Variants in COMMD10 observed in about 807,000 individuals in gnomAD.
COMMD10 encodes COMM domain-containing protein 10.
Under a neutral mutation model 28.9 loss-of-function variants are expected in COMMD10, and 33 were observed. The observed-to-expected ratio is 1.14, with a 90% CI of 0.87 to 1.53. COMMD10 has a LOEUF of 1.53. COMMD10 is among the 40% of genes most tolerant of loss of function. COMMD10 has a pLI of 0.00. For missense variants in COMMD10, 310 were observed against 233.4 expected (o/e 1.33, Z -2.14); for synonymous variants, 110 against 81.7 (o/e 1.35, Z -1.87).
chr5:116,254,462 G>C (rs1212101590), intron 5 of COMMD10, among the ~76,000 whole-genome samples: 2 of 151,068 alleles, frequency 1.3e-5, no homozygotes, highest in Non-Finnish European at 2.9e-5. Context: ...TCTACACACT[G>C]CTTTGAATGC....
chr5:116,188,623 T>TCTC (rs1748228764), intron 5 of COMMD10: 1 of 135,118 alleles, frequency 7.4e-6, no homozygotes, highest in African/African-American at 3.4e-5. Context: ...CCTTCCTTCT[T>TCTC]TCTTTCTCTC....
chr5:116,188,228 A>G (rs1214172342), intron 5 of COMMD10, among the ~76,000 whole-genome samples: 1 of 152,090 alleles, frequency 6.6e-6, no homozygotes, highest in Admixed American at 6.6e-5. Flanking sequence ...ACAAGCTTTG[A>G]TTACCTCTTA....
chr5:116,231,258 G>A (rs527741065), intron 5 of COMMD10, among the ~76,000 whole-genome samples: 54 of 152,210 alleles, frequency 3.5e-4, no homozygotes, highest in African/African-American at 1.1e-3. Context: ...TAAATTTACC[G>A]ACTACTCACT....
At chr5:116,247,519 C>T (rs542366584) in intron 5 of COMMD10, among the ~76,000 whole-genome samples, 37 of 152,098 alleles carry the variant, frequency 2.4e-4, no homozygotes, top group Admixed American at 5.3e-4. Context: ...AAGACACATA[C>T]GTATGTTCAT....
chr5:116,168,263 GAT>G (rs1753200200), intron 5 of COMMD10, among the ~76,000 whole-genome samples: 1 of 151,732 alleles, frequency 6.6e-6, no homozygotes, highest in Admixed American at 6.6e-5. Flanking sequence ...ATGATAAAGG[GAT>G]CAGTGCAACA....
chr5:116,094,054 A>G (rs751015801), intron 4 of COMMD10, among the ~76,000 whole-genome samples: 8 of 152,208 alleles, frequency 5.3e-5, no homozygotes, highest in Non-Finnish European at 7.3e-5. Flanking sequence ...CATAAGACCC[A>G]CAACTGTTAA....
intron 5 of COMMD10, among the ~76,000 whole-genome samples, chr5:116,156,038 T>C (rs981481120): frequency 6.6e-6 from 1 of 152,128 alleles, no homozygotes; most frequent in African/African-American, 2.4e-5. Flanking sequence ...TTAATAATAA[T>C]GTAGAGAGTG....
chr5:116,117,662 C>A (rs921008618), intron 4 of COMMD10, among the ~76,000 whole-genome samples: 1 of 151,992 alleles, frequency 6.6e-6, no homozygotes, highest in Admixed American at 6.6e-5. Context: ...GGTGGGGTTT[C>A]ACCATGTTGG....
intron 4 of COMMD10, among the ~76,000 whole-genome samples, chr5:116,119,935 T>C (rs956749904): frequency 1.3e-5 from 2 of 152,138 alleles, no homozygotes; most frequent in Admixed American, 6.6e-5. Context: ...CTTTAAAAAA[T>C]AATGTTTTAT....
chr5:116,286,701 T>G (rs1406196777), intron 5 of COMMD10, among the ~76,000 whole-genome samples: 1 of 151,878 alleles, frequency 6.6e-6, no homozygotes, highest in Non-Finnish European at 1.5e-5. Context: ...TTTGTAGTTT[T>G]ATTCCATTGT....
intron 5 of COMMD10, among the ~76,000 whole-genome samples, chr5:116,202,527 C>T (rs894897334): frequency 8.6e-5 from 13 of 150,898 alleles, no homozygotes; most frequent in Non-Finnish European, 1.8e-4. Context: ...TCCTATTTCT[C>T]CACATCCTCT....
chr5:116,146,908 C>T (rs79226409), intron 5 of COMMD10, among the ~76,000 whole-genome samples: 8,157 of 151,744 alleles, frequency 0.054, 313 homozygotes, highest in African/African-American at 0.11. Flanking sequence ...CAAAGTTTCT[C>T]AGCTGTCCTT....
At chr5:116,261,137 A>G (rs1479916182) in intron 5 of COMMD10, among the ~76,000 whole-genome samples, 2 of 151,804 alleles carry the variant, frequency 1.3e-5, no homozygotes, top group Non-Finnish European at 2.9e-5. Context: ...GAGTAAAAAC[A>G]TATTTCAGGA....
chr5:116,242,014 A>G (rs969878048), intron 5 of COMMD10, among the ~76,000 whole-genome samples: 33 of 152,214 alleles, frequency 2.2e-4, no homozygotes, highest in African/African-American at 7.7e-4. Context: ...ACATTAAACA[A>G]AAAGGCAGAC....
At chr5:116,256,307 G>C (rs1166741344) in intron 5 of COMMD10, among the ~76,000 whole-genome samples, 1 of 151,596 alleles carries the variant, frequency 6.6e-6, no homozygotes, top group Admixed American at 6.6e-5. Context: ...TTCCTTTTGG[G>C]GTTGTTGAGT....
At chr5:116,274,876 CTGTT>C (rs1049572927) in intron 5 of COMMD10, among the ~76,000 whole-genome samples, 7 of 151,830 alleles carry the variant, frequency 4.6e-5, no homozygotes, top group African/African-American at 1.5e-4. Flanking sequence ...TAATTTCTGT[CTGTT>C]TTTCTCCCTC....
At chr5:116,088,947 T>C (rs1242860467) in intron 2 of COMMD10, among the ~76,000 whole-genome samples, 5 of 152,226 alleles carry the variant, frequency 3.3e-5, no homozygotes, top group Non-Finnish European at 5.9e-5. Flanking sequence ...CCTAATACAT[T>C]GCTACTAGTA....
intron 5 of COMMD10, among the ~76,000 whole-genome samples, chr5:116,166,657 A>G (rs1018960155): frequency 1.3e-5 from 2 of 152,124 alleles, no homozygotes; most frequent in Admixed American, 1.3e-4. Flanking sequence ...ACAGGCAGCA[A>G]TCTTTGCTGT....
At chr5:116,131,433 G>A (rs1335261548) in intron 4 of COMMD10, among the ~76,000 whole-genome samples, 1 of 151,810 alleles carries the variant, frequency 6.6e-6, no homozygotes, top group Non-Finnish European at 1.5e-5. Context: ...GTATGTATGT[G>A]TATGTGAAGA....
Sources: gnomAD v4.1 joint callset for allele counts (sites outside exome capture counted in the v4.1 genomes callset) on GRCh38, gnomAD v4.1.1 for gene constraint, MANE v1.5 for transcripts, NCBI Gene and HGNC (gene_info 2026-07-23, HGNC 2026-07-21) for gene names.